KCNMA1: variants seen among roughly 807,000 people sequenced by gnomAD.
The protein encoded by KCNMA1 is potassium calcium-activated channel subfamily M alpha 1.
In KCNMA1, 29 loss-of-function variants were observed where a neutral mutation model predicts 140.0. That is an observed-to-expected ratio of 0.21 (90% CI 0.15 to 0.28). The LOEUF is 0.28. KCNMA1 is among the 10% of genes least tolerant of loss of function. KCNMA1 has a pLI of 1.00. For synonymous variants in KCNMA1, 612 were observed against 611.9 expected (o/e 1.00, Z 0.00); for missense variants, 880 against 1,602.2 (o/e 0.55, Z 7.70).
intron 5 of KCNMA1, among the ~76,000 whole-genome samples, chr10:77,122,634 G>A (rs2097639992): frequency 6.6e-6 from 1 of 152,056 alleles, no homozygotes; most frequent in Non-Finnish European, 1.5e-5. Context: ...AAAATGTGTT[G>A]GCCAAAGGGA....
chr10:77,361,228 G>A (rs1382538589), intron 2 of KCNMA1, among the ~76,000 whole-genome samples: 2 of 152,200 alleles, frequency 1.3e-5, no homozygotes, highest in Non-Finnish European at 2.9e-5. Flanking sequence ...TACTATTAGT[G>A]TAGTATTATC....
At chr10:77,474,082 G>A (rs1012767869) in intron 1 of KCNMA1, among the ~76,000 whole-genome samples, 1 of 152,146 alleles carries the variant, frequency 6.6e-6, no homozygotes, top group African/African-American at 2.4e-5. Flanking sequence ...CTTCCATTCT[G>A]GGGCCTACAT....
chr10:76,981,545 C>T (rs1045548032), intron 19 of KCNMA1, among the ~76,000 whole-genome samples: 1 of 152,086 alleles, frequency 6.6e-6, no homozygotes, highest in African/African-American at 2.4e-5. Flanking sequence ...GATTGATCGG[C>T]GTGTGCAGAC....
intron 1 of KCNMA1, among the ~76,000 whole-genome samples, chr10:77,575,532 A>G (rs1384815175): frequency 6.6e-6 from 1 of 152,170 alleles, no homozygotes; most frequent in Non-Finnish European, 1.5e-5. Flanking sequence ...TCCAGAACCC[A>G]GGGAGCTAAG....
chr10:77,219,858 T>C (rs190070151), intron 3 of KCNMA1, among the ~76,000 whole-genome samples: 1 of 152,190 alleles, frequency 6.6e-6, no homozygotes, highest in East Asian at 1.9e-4. Flanking sequence ...ATCACTAACA[T>C]GGTAACTCAT....
chr10:77,528,557 T>C (rs934576531), intron 1 of KCNMA1, among the ~76,000 whole-genome samples: 1 of 149,028 alleles, frequency 6.7e-6, no homozygotes, highest in Non-Finnish European at 1.5e-5. Context: ...TGCAGTGAGC[T>C]GAGATTGTGT....
chr10:76,883,721 G>GTTTTTT (rs113872996), downstream of KCNMA1, among the ~76,000 whole-genome samples: 75 of 113,184 alleles, frequency 6.6e-4, no homozygotes, highest in East Asian at 1.1e-3. Context: ...TTACTTCCTT[G>GTTTTTT]TTTTTTTTTT....
At chr10:77,012,866 G>A (rs2091167966) in intron 17 of KCNMA1, among the ~76,000 whole-genome samples, 1 of 152,200 alleles carries the variant, frequency 6.6e-6, no homozygotes, top group Non-Finnish European at 1.5e-5. Flanking sequence ...CATTAGCTGT[G>A]TCAAAGATAT....
intron 14 of KCNMA1, among the ~76,000 whole-genome samples, chr10:77,047,124 A>G (rs1204767543): frequency 6.6e-6 from 1 of 152,220 alleles, no homozygotes; most frequent in Non-Finnish European, 1.5e-5. Flanking sequence ...TGACTAGGAC[A>G]AAAAGATCTC....
intron 3 of KCNMA1, among the ~76,000 whole-genome samples, chr10:77,240,214 C>T (rs1366494810): frequency 6.6e-6 from 1 of 152,136 alleles, no homozygotes; most frequent in Non-Finnish European, 1.5e-5. Flanking sequence ...CTTAAACAAA[C>T]AGAGTGTATG....
At chr10:77,250,540 C>A (rs2059466781) in intron 3 of KCNMA1, 1 of 156,378 alleles carries the variant, frequency 6.4e-6, no homozygotes, top group Admixed American at 6.1e-5. Context: ...CCCAGGCTCA[C>A]TCTGGAGCAC....
chr10:77,390,303 C>T (rs1017458744), intron 2 of KCNMA1, among the ~76,000 whole-genome samples: 6 of 152,206 alleles, frequency 3.9e-5, no homozygotes, highest in African/African-American at 1.4e-4. Flanking sequence ...AGTGACTTGC[C>T]TCTCTTCTCC....
chr10:77,504,335 T>C (rs2045025222), intron 1 of KCNMA1, among the ~76,000 whole-genome samples: 1 of 152,156 alleles, frequency 6.6e-6, no homozygotes, highest in African/African-American at 2.4e-5. Context: ...GTTTCACTGC[T>C]CTTCAAGTGT....
intron 3 of KCNMA1, among the ~76,000 whole-genome samples, chr10:77,207,075 A>T (rs973640816): frequency 5.9e-5 from 9 of 152,102 alleles, no homozygotes; most frequent in African/African-American, 2.2e-4. Flanking sequence ...TTTGACTTAC[A>T]CTTAACCACA....
intron 23 of KCNMA1, among the ~76,000 whole-genome samples, chr10:76,936,672 G>A (rs141831247): frequency 5.9e-5 from 9 of 152,246 alleles, no homozygotes; most frequent in East Asian, 5.8e-4. Context: ...GTATAGGTGC[G>A]TCTGCAAGAA....
intron 10 of KCNMA1, 57 bp downstream of exon 10, chr10:77,090,343 G>T: frequency 8.8e-7 from 1 of 1,130,370 alleles, no homozygotes; most frequent in Non-Finnish European, 1.4e-6. Context: ...CATTCAGGGA[G>T]TCCCTCGCAG....
At chr10:76,994,342 A>G (rs1483659770) in intron 19 of KCNMA1, among the ~76,000 whole-genome samples, 2 of 152,240 alleles carry the variant, frequency 1.3e-5, no homozygotes, top group Non-Finnish European at 2.9e-5. Context: ...CAAATGCTAT[A>G]TAAGTGTTAA....
downstream of KCNMA1, among the ~76,000 whole-genome samples, chr10:76,880,281 C>T (rs896616475): frequency 2.0e-5 from 3 of 152,010 alleles, no homozygotes; most frequent in African/African-American, 7.2e-5. Flanking sequence ...CTCATTTAAA[C>T]TTCTCTCTTT....
chr10:77,540,770 G>T (rs2154554903), intron 1 of KCNMA1, among the ~76,000 whole-genome samples: 2 of 152,270 alleles, frequency 1.3e-5, no homozygotes, highest in South Asian at 2.1e-4. Flanking sequence ...GGAGGCCGAG[G>T]TGGGCTGATC....
Sources: gnomAD v4.1 joint callset for allele counts (sites outside exome capture counted in the v4.1 genomes callset) on GRCh38, gnomAD v4.1.1 for gene constraint, MANE v1.5 for transcripts, NCBI Gene and HGNC (gene_info 2026-07-23, HGNC 2026-07-21) for gene names.